The following ZNF354A variants were observed in gnomAD, a reference collection of about 807,000 sequenced individuals.
ZNF354A encodes the protein zinc finger protein 354A.
Under a neutral mutation model 53.3 loss-of-function variants are expected in ZNF354A, and 25 were observed. The observed-to-expected ratio is 0.47, with a 90% CI of 0.34 to 0.66. ZNF354A has a LOEUF of 0.66. Ranked by LOEUF, ZNF354A falls within the 30% of genes least tolerant of loss-of-function variation. The pLI is 0.01. For missense variants in ZNF354A, 586 were observed against 716.8 expected (o/e 0.82, Z 2.08); for synonymous variants, 228 against 249.0 (o/e 0.92, Z 0.79).
chr5:178,725,295 T>C (rs1011128587), intron 4 of ZNF354A, 81 bp downstream of exon 4: 2 of 1,398,764 alleles, frequency 1.4e-6, no homozygotes, highest in African/African-American at 2.9e-5. Flanking sequence ...CTCAAGGGAG[T>C]TTCCCAACCA....
At chr5:178,716,023 A>G (rs1466969999) in intron 4 of ZNF354A, among the ~76,000 whole-genome samples, 1 of 151,530 alleles carries the variant, frequency 6.6e-6, no homozygotes, top group Non-Finnish European at 1.5e-5. Context: ...CAGCCTCCTA[A>G]GTAGCTGGGA....
intron 4 of ZNF354A, among the ~76,000 whole-genome samples, chr5:178,718,090 T>G (rs1765747464): frequency 6.6e-6 from 1 of 152,142 alleles, no homozygotes; most frequent in African/African-American, 2.4e-5. Context: ...GACTCGGAAG[T>G]CCATTATCAA....
intron 4 of ZNF354A, among the ~76,000 whole-genome samples, chr5:178,724,818 G>A (rs1375960553): frequency 6.6e-6 from 1 of 152,174 alleles, no homozygotes; most frequent in Admixed American, 6.5e-5. Context: ...TGGGAGCTCT[G>A]TCCACGTCCC....
chr5:178,728,601 C>T (rs958476678), intron 2 of ZNF354A, among the ~76,000 whole-genome samples: 11 of 150,428 alleles, frequency 7.3e-5, no homozygotes, highest in African/African-American at 2.7e-4. Flanking sequence ...ACCAGCCTGG[C>T]CAACGTGGTG....
At position 178,730,589 on chromosome 5, in the gene ZNF354A, C is replaced by T. The variant is rs1234097448; in HGVS notation, c.-85G>A. On this transcript the variant is annotated 5_prime_UTR_variant, in exon 1 of 5. Coordinates refer to ENST00000335815, the MANE Select transcript of ZNF354A (RefSeq NM_005649.3). The stretch of plus-strand genomic sequence containing the variant: ...GCTCGAGCGTCCCGGGCCGCGCCTC[C>T]CCAGCCGCGAGGCTCCGGAACCGCC... 1 of 151,962 alleles carries T rather than the reference C, an allele frequency of 6.6e-6. No homozygotes were observed. The highest frequency in any genetic ancestry group is 1.5e-5 in the Non-Finnish European group (1 of 67,976). The allele number at this position is 151,962 out of a possible 1,614,324, so 9.4% of individuals were successfully genotyped here.
intron 2 of ZNF354A, among the ~76,000 whole-genome samples, 159 bp downstream of exon 2, chr5:178,728,831 G>C (rs1165034697): frequency 1.4e-5 from 2 of 142,492 alleles, no homozygotes; most frequent in Non-Finnish European, 3.0e-5. Context: ...GGGGAGGGTG[G>C]GTGGTCCTCC....
chr5:178,722,895 G>C (rs531227747), intron 4 of ZNF354A, among the ~76,000 whole-genome samples: 14 of 152,292 alleles, frequency 9.2e-5, no homozygotes, highest in African/African-American at 3.4e-4. Context: ...TGTGTGAGCC[G>C]AAGCCTGTGC....
intron 3 of ZNF354A, chr5:178,726,186 G>A (rs1359428923): frequency 2.2e-6 from 1 of 455,844 alleles, no homozygotes; most frequent in Non-Finnish European, 4.4e-6. Context: ...CAAACTACGG[G>A]TCATGGGCCA....
In ZNF354A at chr5:178,713,357, A is replaced by C. The variant is rs201784705; in HGVS notation, c.521T>G (p.Leu174Arg). The change falls in exon 5 of 5, where the codon CTT (leucine) becomes CGT (arginine). Residue 174 changes from leucine (L) to arginine (R), a missense_variant. By Grantham distance (102) the Leu-to-Arg change is moderately radical (BLOSUM62 -2). Transcript: ENST00000335815. Reference sequence around the variant, plus strand: ...TCTGGGAAGTATCTGTTGCCTAATAAGCACTGACTTTGGGCTGAAGTTTTG... The same window carrying C: ...TCTGGGAAGTATCTGTTGCCTAATACGCACTGACTTTGGGCTGAAGTTTTG... ...LSQNFSPKSV[L>R]IRQQILPREK... The C allele has an allele frequency of 1.2e-6, 2 of 1,614,174 alleles. No homozygotes were observed. The highest frequency in any genetic ancestry group is 3.3e-5 in the Admixed American group (2 of 60,022).
intron 3 of ZNF354A, among the ~76,000 whole-genome samples, 163 bp from the exon 4 acceptor site, chr5:178,725,634 G>A (rs371534781): frequency 3.3e-5 from 5 of 152,110 alleles, no homozygotes; most frequent in African/African-American, 1.2e-4. Context: ...GGTAGGGTGA[G>A]GAAAAGACAA....
rs1319751646 is a variant in ZNF354A, at chr5:178,711,971, T to C, written c.*89A>G. The C allele has an allele frequency of 8.9e-6, 13 of 1,460,676 alleles. No homozygotes were observed. The highest frequency in any genetic ancestry group is 1.2e-5 in the Non-Finnish European group (13 of 1,094,186). The allele number at this position is 1,460,676 out of a possible 1,614,324, so 90.5% of individuals were successfully genotyped here. On this transcript the variant is annotated 3_prime_UTR_variant, in exon 5 of 5. Transcript: ENST00000335815. Reference sequence around the variant, plus strand: ...GAGGGCTAAATTATTACAGTTTTTTTCACATCCATTACATTTATTACATCT... The same window carrying C: ...GAGGGCTAAATTATTACAGTTTTTTCCACATCCATTACATTTATTACATCT...
At chr5:178,718,211 T>C (rs564471486) in intron 4 of ZNF354A, among the ~76,000 whole-genome samples, 1 of 152,246 alleles carries the variant, frequency 6.6e-6, no homozygotes, top group Non-Finnish European at 1.5e-5. Context: ...CTCTTCCTTA[T>C]GATCTGTTTA....
chr5:178,723,454 C>T (rs1226036613), intron 4 of ZNF354A, among the ~76,000 whole-genome samples: 1 of 152,246 alleles, frequency 6.6e-6, no homozygotes, highest in East Asian at 1.9e-4. Context: ...GTGGCTCTCT[C>T]TCGGGTGCTC....
At chr5:178,715,966 G>A (rs1043281172) in intron 4 of ZNF354A, among the ~76,000 whole-genome samples, 3 of 151,116 alleles carry the variant, frequency 2.0e-5, no homozygotes, top group Non-Finnish European at 4.4e-5. Flanking sequence ...GCGCGACCTC[G>A]GCTCACTGCA....
intron 4 of ZNF354A, among the ~76,000 whole-genome samples, chr5:178,715,245 A>G (rs894731092): frequency 6.6e-6 from 1 of 152,344 alleles, no homozygotes; most frequent in East Asian, 1.9e-4. Flanking sequence ...CGATTCCTGT[A>G]TGACAGTCAC....
intron 3 of ZNF354A, 125 bp downstream of exon 3, chr5:178,726,874 C>A: frequency 7.3e-7 from 1 of 1,375,502 alleles, no homozygotes. Context: ...TTATAAAGAT[C>A]TGATTTGTAC....
Position 178,713,336 on chromosome 5 carries a change from G to C in ZNF354A, c.542C>G (p.Pro181Arg). 6.2e-7 allele frequency: 1 copy of C among 1,614,080 alleles called. No homozygotes were observed. The highest frequency in any genetic ancestry group is 8.5e-7 in the Non-Finnish European group (1 of 1,180,004). ...KSVLIRQQIL[P>R]REKTPPKCEI... ...ACATTTTGGTGGTGTTTTTTCTCTG[G>C]GAAGTATCTGTTGCCTAATAAGCAC... Residue 181 changes from proline (P) to arginine (R), a missense_variant, in exon 5 of 5, where the codon CCC (proline) becomes CGC (arginine). Physicochemically the swap from Pro to Arg is moderately radical, Grantham distance 103. Coordinates refer to ENST00000335815, the MANE Select transcript of ZNF354A (RefSeq NM_005649.3).
rs375697368 is a variant in ZNF354A, at chr5:178,719,421, T to A, written c.257-5800A>T. Reference sequence around the variant, plus strand: ...ATCATATCCAACTGTCCTTAGATAGTGAGGGTGCAGGTAGAAAAGGGGTGC... The same window carrying A: ...ATCATATCCAACTGTCCTTAGATAGAGAGGGTGCAGGTAGAAAAGGGGTGC... On this transcript the variant is annotated intron_variant, in intron 4 of 4. Coordinates refer to ENST00000335815, the MANE Select transcript of ZNF354A (RefSeq NM_005649.3). 1.8e-4 allele frequency among the ~76,000 whole-genome samples: 28 copies of A among 152,178 alleles called. No homozygotes were observed. In the East Asian group the frequency reaches 5.2e-3, roughly 28 times the overall value.
intron 4 of ZNF354A, among the ~76,000 whole-genome samples, chr5:178,722,818 G>A (rs1364258734): frequency 6.6e-6 from 1 of 152,248 alleles, no homozygotes; most frequent in Non-Finnish European, 1.5e-5. Flanking sequence ...AGCACGAGGA[G>A]GGAAAATAAA....
Sources: gnomAD v4.1 joint callset for allele counts (sites outside exome capture counted in the v4.1 genomes callset) on GRCh38, gnomAD v4.1.1 for gene constraint, MANE v1.5 for transcripts, NCBI Gene and HGNC (gene_info 2026-07-23, HGNC 2026-07-21) for gene names.